DRD3: variants seen among roughly 807,000 people sequenced by gnomAD.
DRD3 encodes the protein dopamine receptor D3.
Under a neutral mutation model 36.3 loss-of-function variants are expected in DRD3, and 19 were observed. The ratio of observed to expected loss-of-function variants is 0.52; its 90% confidence interval spans 0.36 to 0.77. The LOEUF is 0.77. DRD3 is among the 30% of genes least tolerant of loss of function. The probability of loss-of-function intolerance (pLI) is 0.00; values close to 1 mark genes in which losing one functional copy is unlikely to be tolerated. For missense variants in DRD3, 465 were observed against 505.3 expected, an observed-to-expected ratio of 0.92 and a Z score of 0.77; for synonymous variants, 195 against 203.7, an observed-to-expected ratio of 0.96 and a Z score of 0.36.
chr3:114,129,477 T>C (rs1304861016), intron 6 of DRD3, among the ~76,000 whole-genome samples: 1 of 152,240 alleles, frequency 6.6e-6, no homozygotes, highest in African/African-American at 2.4e-5. Flanking sequence ...AGTTTTCTAG[T>C]TGGGTCTCTA....
chr3:114,189,935 G>A (rs912925286), intron 1 of DRD3, among the ~76,000 whole-genome samples: 2 of 152,070 alleles, frequency 1.3e-5, no homozygotes, highest in African/African-American at 4.8e-5. Flanking sequence ...TCCATGTTAT[G>A]CACATAAACA....
intron 3 of DRD3, among the ~76,000 whole-genome samples, chr3:114,157,959 A>G (rs2077697599): frequency 6.6e-6 from 1 of 152,114 alleles, no homozygotes; most frequent in Admixed American, 6.5e-5. Context: ...AAAATTAGCC[A>G]GATGTGGTGG....
At position 114,132,858 on chromosome 3, in the gene DRD3, A is replaced by C. The variant is rs567892665; in HGVS notation, c.724-1458T>G. Among the ~76,000 whole-genome samples the C allele has an allele frequency of 5.9e-5, 9 of 152,376 alleles. No homozygotes were observed. The South Asian group carries it at 1.9e-3, about 32-fold the overall frequency. ...GCCTTATTTGAATTTTGATTCAAAC[A>C]AACCAACTGTAAAATAATTTACAAG... On this transcript the variant is annotated intron_variant, in intron 5 of 6. Coordinates refer to ENST00000383673, the MANE Select transcript of DRD3 (RefSeq NM_000796.6).
At position 114,147,572 on chromosome 3, in the gene DRD3, G is replaced by C; in HGVS notation, c.384-15C>G. The C allele has an allele frequency of 6.2e-7, 1 of 1,603,526 alleles. No individual in the cohort carries two copies. The highest frequency in any genetic ancestry group is 8.5e-7 in the Non-Finnish European group (1 of 1,171,214). ...CTGCAGTGTACCTGAAAAAGCAAGG[G>C]GAGAGGGGATAGGCATGGTGAGATG... On this transcript the variant is annotated splice_polypyrimidine_tract_variant and intron_variant, in intron 3 of 6. Transcript: ENST00000383673.
At chr3:114,140,417 C>A (rs2077514323) in intron 4 of DRD3, among the ~76,000 whole-genome samples, 1 of 152,162 alleles carries the variant, frequency 6.6e-6, no homozygotes, top group Non-Finnish European at 1.5e-5. Context: ...TCTAGCTTTG[C>A]CTTCTTCATA....
intron 2 of DRD3, among the ~76,000 whole-genome samples, chr3:114,166,854 A>T (rs544896850): frequency 6.6e-6 from 1 of 152,322 alleles, no homozygotes; most frequent in South Asian, 2.1e-4. Context: ...TGGCAAAAAT[A>T]ATCTCCAAGC....
chr3:114,151,768 A>G (rs1037593683), intron 3 of DRD3, among the ~76,000 whole-genome samples: 5 of 152,214 alleles, frequency 3.3e-5, no homozygotes, highest in African/African-American at 1.2e-4. Flanking sequence ...TGGCAGAGCC[A>G]TGTCTCCCAC....
chr3:114,138,189 A>AAAT (rs2077492429), intron 5 of DRD3, among the ~76,000 whole-genome samples: 1 of 140,580 alleles, frequency 7.1e-6, no homozygotes, highest in African/African-American at 2.6e-5. Flanking sequence ...AAAAAAAAAA[A>AAAT]GATTATCTAG....
upstream of DRD3, among the ~76,000 whole-genome samples, chr3:114,182,101 T>C (rs1320971418): frequency 6.6e-6 from 1 of 152,236 alleles, no homozygotes; most frequent in Non-Finnish European, 1.5e-5. Context: ...CCTCTCAGTA[T>C]GTTTTTCACT....
At position 114,171,909 on chromosome 3, in the gene DRD3, T is replaced by C. The variant is rs1276185195; in HGVS notation, c.84A>G (p.Pro28=). Residue 28 remains proline, a synonymous_variant, in exon 2 of 7, where the codon CCA becomes CCG. Coordinates refer to ENST00000383673, the MANE Select transcript of DRD3 (RefSeq NM_000796.6). ...AGTAGGAGAGGGCATAGTAGGCATG[T>C]GGGCGGGCCTGGCTGGCACCTGTGG... ...ENSTGASQAR[P]HAYYALSYCA... The C allele has an allele frequency of 6.2e-7, 1 of 1,608,884 alleles. No homozygotes were observed. The highest frequency in any genetic ancestry group is 8.5e-7 in the Non-Finnish European group (1 of 1,177,164).
chr3:114,198,270 C>T (rs1428927903), intron 1 of DRD3, among the ~76,000 whole-genome samples: 1 of 151,322 alleles, frequency 6.6e-6, no homozygotes, highest in Non-Finnish European at 1.5e-5. Flanking sequence ...CACTCTGTCA[C>T]CCAGGCTGGA....
chr3:114,161,772 A>G (rs2077735390), intron 2 of DRD3, among the ~76,000 whole-genome samples: 1 of 152,240 alleles, frequency 6.6e-6, no homozygotes, highest in African/African-American at 2.4e-5. Context: ...AGGGGAACCA[A>G]GAGAATAAAA....
chr3:114,192,856 A>C (rs764360550), intron 1 of DRD3, among the ~76,000 whole-genome samples: 1 of 152,242 alleles, frequency 6.6e-6, no homozygotes, highest in Non-Finnish European at 1.5e-5. Flanking sequence ...ACTTATAGCA[A>C]TTTGACAAAA....
intron 3 of DRD3, 97 bp from the exon 4 acceptor site, chr3:114,147,654 T>G: frequency 7.1e-7 from 1 of 1,401,408 alleles, no homozygotes; most frequent in Non-Finnish European, 9.8e-7. Context: ...AGACAGGGTC[T>G]CACTCTGTCA....
At chr3:114,172,524 T>C (rs1221198675) in intron 1 of DRD3, among the ~76,000 whole-genome samples, 1 of 152,104 alleles carries the variant, frequency 6.6e-6, no homozygotes, top group African/African-American at 2.4e-5. Flanking sequence ...GGGAGTCTGG[T>C]GAGGCTGGAG....
In DRD3 at chr3:114,144,186, C is replaced by T. The variant is rs1050574237; in HGVS notation, c.526+3229G>A. On this transcript the variant is annotated intron_variant, in intron 4 of 6. Coordinates refer to ENST00000383673, the MANE Select transcript of DRD3 (RefSeq NM_000796.6). ...TTTCATCTGAGAACAGGAGCAACTCCAAGTTGGAAGAGACTGAAGTTCAAC... is the reference window on the plus strand; with the variant it reads ...TTTCATCTGAGAACAGGAGCAACTCTAAGTTGGAAGAGACTGAAGTTCAAC... 7.9e-5 allele frequency among the ~76,000 whole-genome samples: 12 copies of T among 152,362 alleles called. No individual in the cohort carries two copies. In the East Asian group the frequency reaches 1.9e-3, roughly 24 times the overall value.
At chr3:114,179,647 A>G (rs1422504765), upstream of DRD3, among the ~76,000 whole-genome samples, 1 of 152,138 alleles carries the variant, frequency 6.6e-6, no homozygotes, top group Non-Finnish European at 1.5e-5. Flanking sequence ...CTTACATTTT[A>G]CTGTGGCATC....
At chr3:114,137,252 G>A (rs2077482762) in intron 5 of DRD3, among the ~76,000 whole-genome samples, 1 of 152,164 alleles carries the variant, frequency 6.6e-6, no homozygotes, top group African/African-American at 2.4e-5. Context: ...TTTTCCTGTG[G>A]CATGTGATGG....
At chr3:114,137,763 G>A (rs571686678) in intron 5 of DRD3, among the ~76,000 whole-genome samples, 15 of 151,850 alleles carry the variant, frequency 9.9e-5, no homozygotes, top group Non-Finnish European at 1.6e-4. Context: ...AGGCCGAAGC[G>A]TGCGGATCAC....
Sources: gnomAD v4.1 joint callset for allele counts (sites outside exome capture counted in the v4.1 genomes callset) on GRCh38, gnomAD v4.1.1 for gene constraint, MANE v1.5 for transcripts, NCBI Gene and HGNC (gene_info 2026-07-23, HGNC 2026-07-21) for gene names.